Variants in NPLOC4 observed in about 807,000 individuals in gnomAD.
NPLOC4 encodes the protein nuclear protein localization protein 4 homolog.
In NPLOC4, 18 loss-of-function variants were observed where a neutral mutation model predicts 80.6. The ratio of observed to expected loss-of-function variants is 0.22; its 90% CI spans 0.15 to 0.33. NPLOC4 has a LOEUF of 0.33. Ranked by LOEUF, NPLOC4 falls within the 10% of genes least tolerant of loss-of-function variation. The pLI, the probability that NPLOC4 is intolerant of heterozygous loss-of-function variation, is 1.00. For missense variants in NPLOC4, 540 were observed against 786.1 expected (o/e 0.69, Z 3.74); for synonymous variants, 313 against 301.5 (o/e 1.04, Z -0.39).
chr17:81,606,787 G>A lies in NPLOC4; in HGVS notation c.558C>T (p.Ile186=). The change falls in exon 7 of 17, where the codon ATC becomes ATT. Residue 186 remains isoleucine, a synonymous_variant. Transcript: ENST00000331134. Reference sequence around the variant, plus strand: ...CGCACCCTGACTTAATCTTGCAGCTGATGTTCTCCAGGGCAACAAACTTCC... The same window carrying A: ...CGCACCCTGACTTAATCTTGCAGCTAATGTTCTCCAGGGCAACAAACTTCC... ...DKGKFVALEN[I]SCKIKSGCEG... is the part of the protein sequence containing the mutation. 5 of 1,613,444 alleles carry A rather than the reference G, an allele frequency of 3.1e-6. No individual in the cohort carries two copies. Among genetic ancestry groups the A allele is most frequent in the Non-Finnish European group, 4.2e-6 (5 of 1,179,690 alleles).
At chr17:81,620,796 ACAGT>A (rs2144291690) in intron 3 of NPLOC4, among the ~76,000 whole-genome samples, 1 of 152,336 alleles carries the variant, frequency 6.6e-6, no homozygotes, top group South Asian at 2.1e-4. Context: ...GTGTGCACTC[ACAGT>A]CATTCTCTTT....
chr17:81,611,443 C>T (rs1266441028), intron 4 of NPLOC4, among the ~76,000 whole-genome samples: 3 of 151,514 alleles, frequency 2.0e-5, no homozygotes, highest in Admixed American at 1.3e-4. Context: ...TCCGCCTCCT[C>T]GTTTCAAGCG....
intron 12 of NPLOC4, among the ~76,000 whole-genome samples, chr17:81,578,608 C>T (rs1273319525): frequency 6.6e-6 from 1 of 152,164 alleles, no homozygotes; most frequent in Admixed American, 6.5e-5. Flanking sequence ...AAGCAAGGCA[C>T]CTTCTTCACA....
At chr17:81,594,493 T>G (rs928975890) in intron 11 of NPLOC4, among the ~76,000 whole-genome samples, 1 of 151,738 alleles carries the variant, frequency 6.6e-6, no homozygotes, top group South Asian at 2.1e-4. Flanking sequence ...ATTTAAAAAT[T>G]AGGCCAGGCG....
intron 11 of NPLOC4, among the ~76,000 whole-genome samples, chr17:81,594,167 C>T (rs959533319): frequency 2.0e-5 from 3 of 148,154 alleles, no homozygotes; most frequent in African/African-American, 5.0e-5. Context: ...CCCAGCTACT[C>T]GGGAGGCTGA....
rs1341804027 is a variant in NPLOC4 at position 81,572,275 on chromosome 17, G to A, written c.1282-187C>T. Among the ~76,000 whole-genome samples, 5 of 151,910 alleles carry A rather than the reference G, an allele frequency of 3.3e-5. No homozygotes were observed. In the South Asian group the frequency reaches 6.2e-4, roughly 19 times the overall value. ...GTGATCTCCACTCACTGCAAGCTCC[G>A]CCTCCCAGGTTCACACCATTCTCCT... is the stretch of plus-strand genomic sequence containing the variant. On this transcript the variant is annotated intron_variant, in intron 12 of 16. Transcript: ENST00000331134. The surrounding 1 kb of genome is among the most constrained non-coding windows in gnomAD (Gnocchi z 4.5).
chr17:81,618,523 C>A (rs1471172508), intron 3 of NPLOC4, among the ~76,000 whole-genome samples: 3 of 142,550 alleles, frequency 2.1e-5, no homozygotes, highest in African/African-American at 8.0e-5. Flanking sequence ...CCGCCCCGTC[C>A]GGGAGGGAGG....
chr17:81,625,587 C>T (rs116221179), intron 2 of NPLOC4, among the ~76,000 whole-genome samples: 3,609 of 152,170 alleles, frequency 0.024, 168 homozygotes, highest in African/African-American at 0.082. Flanking sequence ...AAGAGTCAAC[C>T]TAAACATAGG....
Position 81,596,103 on chromosome 17 carries a change from G to T in NPLOC4, c.1120+13C>A. 6.2e-7 allele frequency: 1 copy of T among 1,612,426 alleles called. No individual in the cohort carries two copies. Among genetic ancestry groups the T allele is most frequent in the Admixed American group, 1.7e-5 (1 of 59,862 alleles). ...GGTGGTAATATTTACAGTACATACT[G>T]TCCCTGTTATACCTGTAGCCACTGC... On this transcript the variant is annotated intron_variant, in intron 11 of 16. Coordinates refer to ENST00000331134, the MANE Select transcript of NPLOC4 (RefSeq NM_017921.4).
rs1368465362 is a variant in NPLOC4, at chr17:81,604,700, A to T, written c.682T>A (p.Phe228Ile). 1 of 1,613,486 alleles carries T rather than the reference A, an allele frequency of 6.2e-7. No homozygotes were observed. The highest frequency in any genetic ancestry group is 8.5e-7 in the Non-Finnish European group (1 of 1,179,714). Residue 228 changes from phenylalanine (F) to isoleucine (I), a missense_variant, in exon 8 of 17, where the codon TTT (phenylalanine) becomes ATT (isoleucine). Around this residue, in one of 6 missense-constraint regions of NPLOC4, gnomAD observed 61 missense variants for 156.7 expected, o/e 0.39. Transcript: ENST00000331134. Reference protein sequence around the residue: ...QKYRHVDNIMFENHTVADRFL... With the variant: ...QKYRHVDNIMIENHTVADRFL... The stretch of plus-strand genomic sequence containing the variant: ...CGGTCAGCGACGGTGTGATTCTCAA[A>T]CATGATATTGTCCACATGCCTGTAC...
intron 12 of NPLOC4, among the ~76,000 whole-genome samples, chr17:81,575,500 G>A (rs190145753): frequency 7.2e-4 from 109 of 152,330 alleles, no homozygotes; most frequent in Non-Finnish European, 1.4e-3. Flanking sequence ...TCAGGGGCCA[G>A]CTGTGTGCAC....
intron 12 of NPLOC4, among the ~76,000 whole-genome samples, chr17:81,585,446 G>A (rs1028248972): frequency 6.6e-5 from 10 of 152,010 alleles, no homozygotes; most frequent in African/African-American, 1.2e-4. Context: ...GGCAGATCAC[G>A]AGGTCAGGAG....
chr17:81,562,449 C>A (rs879450369), intron 16 of NPLOC4: 6 of 152,062 alleles, frequency 3.9e-5, no homozygotes, highest in Admixed American at 2.0e-4. Context: ...AGAGGCTGGA[C>A]AATGGCTTGA....
chr17:81,624,695 C>G (rs529754980), intron 2 of NPLOC4, among the ~76,000 whole-genome samples: 1 of 152,258 alleles, frequency 6.6e-6, no homozygotes, highest in Admixed American at 6.5e-5. Flanking sequence ...ATAAGCACTA[C>G]GACAGAAAAG....
chr17:81,602,980 T>TACACACACACACACAC (rs150613321), intron 8 of NPLOC4, among the ~76,000 whole-genome samples: 1 of 144,944 alleles, frequency 6.9e-6, no homozygotes, highest in Admixed American at 7.0e-5. Context: ...TATACACAAA[T>TACACACACACACACAC]ACACACACAC....
At chr17:81,614,536 T>C (rs1421734922) in intron 3 of NPLOC4, among the ~76,000 whole-genome samples, 6 of 151,098 alleles carry the variant, frequency 4.0e-5, no homozygotes, top group African/African-American at 1.5e-4. Flanking sequence ...GTTTTCCTTC[T>C]AAAGGGCAAA....
chr17:81,604,051 G>A (rs1053628636), intron 8 of NPLOC4, among the ~76,000 whole-genome samples: 2 of 152,038 alleles, frequency 1.3e-5, no homozygotes, highest in Non-Finnish European at 2.9e-5. Context: ...CACCCTGCGG[G>A]ATATACCCTC....
chr17:81,632,552 T>A (rs1239752866), intron 1 of NPLOC4, among the ~76,000 whole-genome samples: 2 of 151,736 alleles, frequency 1.3e-5, no homozygotes, highest in African/African-American at 4.8e-5. Context: ...GACCTCAAGT[T>A]ATCCACCCAC....
intron 15 of NPLOC4, chr17:81,566,797 AGTGAAGAAAAAGCCAAAGTC>A (rs1357859706): frequency 6.6e-6 from 1 of 152,648 alleles, no homozygotes; most frequent in Non-Finnish European, 1.5e-5. Context: ...TGGCTTGAAC[AGTGAAGAAAAAGCCAAAGTC>A]GGACCCCTAC....
Sources: gnomAD v4.1 joint callset for allele counts (sites outside exome capture counted in the v4.1 genomes callset) on GRCh38, gnomAD v4.1.1 for gene constraint, gnomAD v4.1.1 regional missense constraint, Gnocchi (gnomAD v3.1) non-coding constraint, MANE v1.5 for transcripts, NCBI Gene and HGNC (gene_info 2026-07-23, HGNC 2026-07-21) for gene names.